Variants in CFAP251 observed in about 807,000 individuals in gnomAD.
CFAP251 encodes cilia- and flagella-associated protein 251.
CFAP251 carries 93 observed loss-of-function variants against 126.7 expected under a neutral mutation model. The ratio of observed to expected loss-of-function variants is 0.73; its 90% CI spans 0.62 to 0.87. The LOEUF is 0.87. CFAP251 is among the 40% of genes least tolerant of loss of function. The pLI is 0.00. For synonymous variants in CFAP251, 503 were observed against 506.9 expected (o/e 0.99, Z 0.10); for missense variants, 1,287 against 1,389.2 (o/e 0.93, Z 1.17).
At chr12:121,965,797 T>C (rs1434665969) in intron 15 of CFAP251, among the ~76,000 whole-genome samples, 4 of 150,264 alleles carry the variant, frequency 2.7e-5, no homozygotes, top group Admixed American at 6.7e-5. Flanking sequence ...TGTGGAGATA[T>C]AGATTTTCTC....
intron 17 of CFAP251, chr12:121,971,727 AATAAAGGACTTT>A: frequency 1.5e-6 from 1 of 660,522 alleles, no homozygotes; most frequent in African/African-American, 1.8e-5. Context: ...ACAGGAGGAA[AATAAAGGACTTT>A]TGTCTCCAAT....
chr12:121,970,733 C>T (rs1882303604), intron 17 of CFAP251, among the ~76,000 whole-genome samples: 1 of 152,236 alleles, frequency 6.6e-6, no homozygotes, highest in Non-Finnish European at 1.5e-5. Flanking sequence ...TGTAGCTACA[C>T]CACAAGAAGG....
intron 19 of CFAP251, among the ~76,000 whole-genome samples, chr12:121,978,263 G>A (rs1204330769): frequency 1.3e-5 from 2 of 150,354 alleles, no homozygotes; most frequent in African/African-American, 2.4e-5. Context: ...GCGTGGTGGC[G>A]GGTGCCTATA....
intron 19 of CFAP251, chr12:121,998,435 ATATATATAT>A (rs1883070881): frequency 3.2e-3 from 1 of 312 alleles, no homozygotes; most frequent in Non-Finnish European, 7.8e-3. Flanking sequence ...TTAGTGTAAT[ATATATATAT>A]ATATATATAT....
intron 11 of CFAP251, among the ~76,000 whole-genome samples, chr12:121,957,627 C>T (rs1881773993): frequency 1.3e-5 from 2 of 150,874 alleles, no homozygotes; most frequent in Admixed American, 1.3e-4. Flanking sequence ...TGGTGTGAAC[C>T]CGGGAGACGG....
In CFAP251 at chr12:121,921,776, A is replaced by G. The variant is rs1314831265; in HGVS notation, c.378+93A>G. 13 of 1,296,470 alleles carry G rather than the reference A, an allele frequency of 1.0e-5. No homozygotes were observed. The Admixed American group carries it at 3.1e-4, about 31-fold the overall frequency. The allele number at this position is 1,296,470 out of a possible 1,614,324, so 80.3% of individuals were successfully genotyped here. ...AGACTATGGGAACACAAAACCAAAT[A>G]AGGTACAATCCATTCCTTTTTTTTT... On this transcript the variant is annotated intron_variant, in intron 2 of 21. Coordinates refer to ENST00000288912, the MANE Select transcript of CFAP251 (RefSeq NM_144668.6).
intron 7 of CFAP251, 104 bp downstream of exon 7, chr12:121,943,079 T>A: frequency 8.3e-7 from 1 of 1,200,090 alleles, no homozygotes; most frequent in East Asian, 2.4e-5. Flanking sequence ...TTTGGGAGGC[T>A]GAGGTAGGTT....
chr12:121,954,320 TACC>T lies in CFAP251; in HGVS notation c.1524_1526del (p.Thr509del). 6.2e-7 allele frequency: 1 copy of T among 1,610,964 alleles called. No homozygotes were observed. The highest frequency in any genetic ancestry group is 8.5e-7 in the Non-Finnish European group (1 of 1,178,612). ...TGCAGAAAGAGGGTATCACGGTACTTACCACAATTGATAGGTAATTTTAACTTA... is the reference window on the plus strand; with the variant it reads ...TGCAGAAAGAGGGTATCACGGTACTTACAATTGATAGGTAATTTTAACTTA... On this transcript the variant is annotated inframe_deletion, in exon 10 of 22. Transcript: ENST00000288912.
intron 6 of CFAP251, 48 bp downstream of exon 6, chr12:121,942,693 G>C: frequency 6.8e-7 from 1 of 1,466,022 alleles, no homozygotes; most frequent in Non-Finnish European, 9.4e-7. Flanking sequence ...TGGCCGACCT[G>C]TGCAGCGTGT....
rs1160308957 is a variant in CFAP251, at chr12:121,918,716, C to G, written c.-21+21C>G. The G allele has an allele frequency of 1.3e-5, 2 of 152,488 alleles. No homozygotes were observed. The highest frequency in any genetic ancestry group is 4.8e-5 in the African/African-American group (2 of 41,458). 9.4% of individuals were successfully genotyped at this position (152,488 alleles called of 1,614,324 possible). ...CCGGGGTGGGTGCTCTCTGTAAGTCCGGGGCGGAGGCCACGCGGCCCTGGC... is the reference window on the plus strand; with the variant it reads ...CCGGGGTGGGTGCTCTCTGTAAGTCGGGGGCGGAGGCCACGCGGCCCTGGC... On this transcript the variant is annotated intron_variant, in intron 1 of 21. Transcript: ENST00000288912. This position sits in a 1 kb window ranked among gnomAD's most constrained non-coding sequence, Gnocchi z 4.3.
intron 20 of CFAP251, 150 bp downstream of exon 20, chr12:122,000,094 A>G (rs957986463): frequency 8.4e-5 from 56 of 665,380 alleles, no homozygotes; most frequent in Middle Eastern, 8.3e-4. Context: ...TGGCTGACCC[A>G]CCTGCATCCC....
In CFAP251 at chr12:121,987,385, T is replaced by G. The variant is rs187822847; in HGVS notation, c.3006+11700T>G. Reference sequence around the variant, plus strand: ...TTCACATGTAAAGCATTTAAAGAAATAAATCTTGGATTACTATGCAGCCAT... The same window carrying G: ...TTCACATGTAAAGCATTTAAAGAAAGAAATCTTGGATTACTATGCAGCCAT... On this transcript the variant is annotated intron_variant, in intron 19 of 21. Transcript: ENST00000288912. 6.3e-3 allele frequency among the ~76,000 whole-genome samples: 959 copies of G among 152,152 alleles called. 5 individuals carry two copies. Among genetic ancestry groups the G allele is most frequent in the Non-Finnish European group, 0.01 (702 of 67,992 alleles).
rs141645865 is a variant in CFAP251 at position 121,994,967 on chromosome 12, TAA to T, written c.3007-4740_3007-4739del. Among the ~76,000 whole-genome samples, 150 of 150,190 alleles carry T rather than the reference TAA, an allele frequency of 1.0e-3. 2 individuals are homozygous for T. In the East Asian group the frequency reaches 0.022, roughly 22 times the overall value. On this transcript the variant is annotated intron_variant, in intron 19 of 21. Coordinates refer to ENST00000288912, the MANE Select transcript of CFAP251 (RefSeq NM_144668.6). Reference sequence around the variant, plus strand: ...AAGAATTATCAATAAAAAAATAAATTAAAAAAAAAATAATAATCACAAGAATA... The same window carrying T: ...AAGAATTATCAATAAAAAAATAAATTAAAAAAAATAATAATCACAAGAATA...
At chr12:121,926,788 A>G (rs1476442398) in intron 3 of CFAP251, among the ~76,000 whole-genome samples, 1 of 152,010 alleles carries the variant, frequency 6.6e-6, no homozygotes, top group East Asian at 1.9e-4. Context: ...CACTAAAAAT[A>G]CAAAATCAGC....
intron 3 of CFAP251, among the ~76,000 whole-genome samples, chr12:121,927,031 C>T (rs1044890229): frequency 4.6e-5 from 7 of 152,100 alleles, no homozygotes; most frequent in Non-Finnish European, 1.0e-4. Context: ...ATTCTTCTTC[C>T]TACACACACC....
At position 121,949,012 on chromosome 12, in the gene CFAP251, A is replaced by G. The variant is rs778195362; in HGVS notation, c.1220A>G (p.Asn407Ser). The change falls in exon 8 of 22, where the codon AAT (asparagine) becomes AGT (serine). Residue 407 changes from asparagine to serine, a missense_variant. Physicochemically the swap from Asn to Ser is conservative, Grantham distance 46 (BLOSUM62 1). Transcript: ENST00000288912. ...TACGTTACTTTTAACCCAACAAATA[A>G]TAAAGAATTGGTGAGCAATAGTAAA... ...QNYVTFNPTN[N>S]KELVSNSKTR... 6.3e-7 allele frequency: 1 copy of G among 1,586,608 alleles called. No homozygotes were observed. Among genetic ancestry groups the G allele is most frequent in the Non-Finnish European group, 8.6e-7 (1 of 1,166,024 alleles).
intron 13 of CFAP251, 189 bp downstream of exon 13, chr12:121,959,283 T>G: frequency 1.8e-6 from 1 of 560,816 alleles, no homozygotes; most frequent in Non-Finnish European, 3.0e-6. Flanking sequence ...CAAAAACACT[T>G]TTTAAAAATT....
At chr12:121,954,762 G>T (rs572071360) in intron 10 of CFAP251, among the ~76,000 whole-genome samples, 77 of 146,998 alleles carry the variant, frequency 5.2e-4, no homozygotes, top group Non-Finnish European at 1.0e-3. Context: ...CTGAGGAAAA[G>T]AACTGAGAAC....
At chr12:121,935,758 G>C (rs970382799) in intron 5 of CFAP251, among the ~76,000 whole-genome samples, 1 of 152,304 alleles carries the variant, frequency 6.6e-6, no homozygotes, top group South Asian at 2.1e-4. Flanking sequence ...GGTGGTGAGG[G>C]GAGGTTGACA....
Sources: allele counts gnomAD v4.1 joint callset (sites outside exome capture counted in the v4.1 genomes callset), GRCh38; gene constraint gnomAD v4.1.1; non-coding constraint Gnocchi (gnomAD v3.1); transcripts MANE v1.5; gene names NCBI Gene and HGNC (gene_info 2026-07-23, HGNC 2026-07-21).